Variants in DPYSL3 observed in about 807,000 individuals in gnomAD.
The protein encoded by DPYSL3 is dihydropyrimidinase like 3, also known as dihydropyrimidinase-related protein 3.
In DPYSL3, 16 loss-of-function variants were observed where a neutral mutation model predicts 66.1. The observed-to-expected ratio is 0.24, with a 90% CI of 0.16 to 0.37. The LOEUF (loss-of-function observed/expected upper bound fraction) is 0.37. Among genes scored for constraint, DPYSL3 ranks in the 10% least tolerant of loss-of-function variants. The pLI, the probability that DPYSL3 is intolerant of heterozygous loss-of-function variation, is 1.00. For synonymous variants in DPYSL3, 338 were observed against 345.1 expected (o/e 0.98, Z 0.23); for missense variants, 738 against 916.2 (o/e 0.81, Z 2.51).
intron 1 of DPYSL3, among the ~76,000 whole-genome samples, chr5:147,476,926 G>A (rs1471441043): frequency 2.0e-5 from 3 of 152,058 alleles, no homozygotes; most frequent in Non-Finnish European, 4.4e-5. Flanking sequence ...TTTAGAATCA[G>A]GTTCATCAGA....
chr5:147,427,833 C>T (rs985641716), intron 1 of DPYSL3, among the ~76,000 whole-genome samples: 6 of 152,142 alleles, frequency 3.9e-5, no homozygotes, highest in Non-Finnish European at 8.8e-5. Flanking sequence ...TAAGAGTACC[C>T]TCCCTCTCAT....
intron 1 of DPYSL3, among the ~76,000 whole-genome samples, chr5:147,499,343 T>C (rs748324000): frequency 6.6e-6 from 1 of 152,160 alleles, no homozygotes; most frequent in African/African-American, 2.4e-5. Flanking sequence ...CTTGCTTTCC[T>C]ATATACTAGC....
At chr5:147,463,172 C>G (rs1438058848) in intron 1 of DPYSL3, among the ~76,000 whole-genome samples, 1 of 152,144 alleles carries the variant, frequency 6.6e-6, no homozygotes, top group African/African-American at 2.4e-5. Flanking sequence ...TAGCACACAC[C>G]TGTGGCCCTT....
intron 1 of DPYSL3, among the ~76,000 whole-genome samples, chr5:147,438,163 C>T (rs1752448622): frequency 1.3e-5 from 2 of 152,178 alleles, no homozygotes; most frequent in African/African-American, 2.4e-5. Flanking sequence ...TGGTTACAGG[C>T]TTCCATCTGT....
At chr5:147,413,969 G>A (rs1038879566) in intron 4 of DPYSL3, among the ~76,000 whole-genome samples, 2 of 152,140 alleles carry the variant, frequency 1.3e-5, no homozygotes, top group Admixed American at 6.5e-5. Flanking sequence ...GCAGTAGTAG[G>A]TGGCATTAAG....
intron 1 of DPYSL3, among the ~76,000 whole-genome samples, chr5:147,441,339 T>G (rs1042263491): frequency 6.6e-6 from 1 of 151,608 alleles, no homozygotes; most frequent in Non-Finnish European, 1.5e-5. Flanking sequence ...TAGATCAAAC[T>G]CCCCTAATCC....
intron 1 of DPYSL3, among the ~76,000 whole-genome samples, chr5:147,443,564 C>T (rs1203562934): frequency 6.7e-6 from 1 of 149,376 alleles, no homozygotes; most frequent in Admixed American, 6.7e-5. Context: ...ACCTATGTAA[C>T]AAACCTGCAC....
At chr5:147,435,563 G>T (rs1752400133) in intron 1 of DPYSL3, among the ~76,000 whole-genome samples, 1 of 152,122 alleles carries the variant, frequency 6.6e-6, no homozygotes, top group African/African-American at 2.4e-5. Context: ...GATGCAAACG[G>T]CTGCCAACTA....
At chr5:147,423,015 A>G (rs1156867527) in intron 2 of DPYSL3, among the ~76,000 whole-genome samples, 1 of 152,126 alleles carries the variant, frequency 6.6e-6, no homozygotes, top group Non-Finnish European at 1.5e-5. Flanking sequence ...AATAATAATA[A>G]AAAAGTTCTG....
At chr5:147,442,916 T>A (rs1016603035) in intron 1 of DPYSL3, among the ~76,000 whole-genome samples, 2 of 152,226 alleles carry the variant, frequency 1.3e-5, no homozygotes, top group African/African-American at 4.8e-5. Context: ...TTGTAGCTTA[T>A]TTTTATTGTC....
At chr5:147,424,846 C>T in intron 2 of DPYSL3, 29 bp downstream of exon 2, 2 of 1,524,318 alleles carry the variant, frequency 1.3e-6, no homozygotes, top group Non-Finnish European at 1.8e-6. Context: ...AAGTGCAAAA[C>T]AATAAAGAGA....
chr5:147,456,068 A>G (rs1752848623), intron 1 of DPYSL3, among the ~76,000 whole-genome samples: 1 of 152,220 alleles, frequency 6.6e-6, no homozygotes, highest in Non-Finnish European at 1.5e-5. Context: ...AAACACAGCA[A>G]ATTGATTCAA....
intron 1 of DPYSL3, among the ~76,000 whole-genome samples, chr5:147,445,551 G>A (rs911893505): frequency 1.3e-5 from 2 of 152,138 alleles, no homozygotes; most frequent in Admixed American, 6.5e-5. Flanking sequence ...ATTAAGTGCT[G>A]GAGATTCAGT....
In DPYSL3 at chr5:147,393,972, G is replaced by T; in HGVS notation, c.*63C>A. 6.6e-7 allele frequency: 1 copy of T among 1,515,888 alleles called. No homozygotes were observed. Among genetic ancestry groups the T allele is most frequent in the Non-Finnish European group, 9.1e-7 (1 of 1,092,974 alleles). The allele number at this position is 1,515,888 out of a possible 1,614,324, so 93.9% of individuals were successfully genotyped here. A position where few individuals can be genotyped will look rare whatever the true frequency, so the allele number is the denominator to read the frequency against. On this transcript the variant is annotated 3_prime_UTR_variant, in exon 14 of 14. Coordinates refer to ENST00000343218, the MANE Select transcript of DPYSL3 (RefSeq NM_001197294.2). ...TTCGCTTTCCTTCTTAAATATCGGTGTACCATTTTGGCTTCAAAACAATCT... is the reference window on the plus strand; with the variant it reads ...TTCGCTTTCCTTCTTAAATATCGGTTTACCATTTTGGCTTCAAAACAATCT...
intron 1 of DPYSL3, among the ~76,000 whole-genome samples, chr5:147,478,009 A>G (rs1018464999): frequency 1.3e-5 from 2 of 152,214 alleles, no homozygotes; most frequent in Non-Finnish European, 2.9e-5. Context: ...TACAGCCAGG[A>G]CCAGAATTCA....
intron 1 of DPYSL3, among the ~76,000 whole-genome samples, chr5:147,451,982 G>A (rs1752737166): frequency 6.6e-6 from 1 of 152,122 alleles, no homozygotes; most frequent in Admixed American, 6.5e-5. Context: ...TAGTGGTAAA[G>A]GAGGATCAGT....
chr5:147,415,417 G>A (rs1751943583), intron 4 of DPYSL3, among the ~76,000 whole-genome samples: 1 of 152,118 alleles, frequency 6.6e-6, no homozygotes, highest in African/African-American at 2.4e-5. Flanking sequence ...GCATGGAGGT[G>A]AAGAGCATAG....
intron 1 of DPYSL3, among the ~76,000 whole-genome samples, chr5:147,502,738 A>G (rs931893092): frequency 1.3e-5 from 2 of 151,818 alleles, no homozygotes; most frequent in Non-Finnish European, 1.5e-5. Flanking sequence ...CACCATGCCC[A>G]GCTAATTTTT....
At chr5:147,430,728 T>G (rs1752299350) in intron 1 of DPYSL3, among the ~76,000 whole-genome samples, 2 of 152,086 alleles carry the variant, frequency 1.3e-5, no homozygotes, top group Middle Eastern at 3.2e-3. Flanking sequence ...ATTTTAGTTT[T>G]CCTCCCCTAG....
Sources: gnomAD v4.1 joint callset for allele counts (sites outside exome capture counted in the v4.1 genomes callset) on GRCh38, gnomAD v4.1.1 for gene constraint, MANE v1.5 for transcripts, NCBI Gene and HGNC (gene_info 2026-07-23, HGNC 2026-07-21) for gene names.